The following CTNND2 variants were observed in gnomAD, a reference collection of about 807,000 sequenced individuals.
The protein encoded by CTNND2 is catenin delta 2.
CTNND2 carries 22 observed loss-of-function variants against 144.4 expected under a neutral mutation model. The observed-to-expected ratio is 0.15, with a 90% CI of 0.11 to 0.22. The LOEUF (loss-of-function observed/expected upper bound fraction) is 0.22. Ranked by LOEUF, CTNND2 falls within the 10% of genes least tolerant of loss-of-function variation. The pLI is 1.00. For synonymous variants in CTNND2, 751 were observed against 695.6 expected (o/e 1.08, Z -1.25); for missense variants, 1,353 against 1,618.8 (o/e 0.84, Z 2.82).
chr5:11,589,000 T>C, intron 2 of CTNND2: 1 of 985,434 alleles, frequency 1.0e-6, no homozygotes, highest in Non-Finnish European at 1.2e-6. Flanking sequence ...TGGTAATTTC[T>C]GCTTTCACTC....
chr5:11,575,843 T>C lies in CTNND2; in HGVS notation c.175-10787A>G, dbSNP rs144843266. Among the ~76,000 whole-genome samples the C allele has an allele frequency of 9.2e-5, 14 of 152,236 alleles. No homozygotes were observed. In the East Asian group the frequency reaches 2.7e-3, roughly 30 times the overall value. On this transcript the variant is annotated intron_variant, in intron 2 of 21. Transcript: ENST00000304623. Reference sequence around the variant, plus strand: ...TGTCTCTTCCTCTCTTAAGCCACCATTCTCCTTGTGATTCTTATACTTTCT... The same window carrying C: ...TGTCTCTTCCTCTCTTAAGCCACCACTCTCCTTGTGATTCTTATACTTTCT...
chr5:11,016,307 A>G (rs968225820), intron 18 of CTNND2, among the ~76,000 whole-genome samples: 16 of 152,208 alleles, frequency 1.1e-4, no homozygotes, highest in South Asian at 4.1e-4. Context: ...GAAAATTTTG[A>G]AAGAGAAATA....
intron 12 of CTNND2, among the ~76,000 whole-genome samples, chr5:11,154,373 G>T (rs933222341): frequency 6.6e-6 from 1 of 152,182 alleles, no homozygotes; most frequent in South Asian, 2.1e-4. Context: ...TTCTTTGGCC[G>T]AGACAGCCAC....
intron 11 of CTNND2, among the ~76,000 whole-genome samples, chr5:11,171,234 T>C (rs1016603829): frequency 1.3e-5 from 2 of 152,176 alleles, no homozygotes; most frequent in Non-Finnish European, 2.9e-5. Context: ...GGTACTGATC[T>C]GTGAAGGAAA....
In CTNND2 at chr5:11,143,935, G is replaced by A. The variant is rs1476684269; in HGVS notation, c.2159+15641C>T. Among the ~76,000 whole-genome samples, 7 of 151,880 alleles carry A rather than the reference G, an allele frequency of 4.6e-5. No homozygotes were observed. In the East Asian group the frequency reaches 1.4e-3, roughly 30 times the overall value. On this transcript the variant is annotated intron_variant, in intron 12 of 21. Transcript: ENST00000304623. ...CACCAGCTAGGGGTTTCTACCATAG[G>A]GGCTTGTCCCCAGGTCTGCACCAGC...
intron 9 of CTNND2, among the ~76,000 whole-genome samples, chr5:11,315,226 TA>T (rs1430815189): frequency 1.3e-5 from 2 of 152,160 alleles, no homozygotes; most frequent in African/African-American, 2.4e-5. Flanking sequence ...GTGGAGCAGT[TA>T]AAGGGGTAAT....
chr5:11,882,920 A>T (rs947397857), intron 1 of CTNND2, among the ~76,000 whole-genome samples: 1 of 152,148 alleles, frequency 6.6e-6, no homozygotes, highest in Non-Finnish European at 1.5e-5. Context: ...TAATTTTAAC[A>T]TATTAATTAT....
intron 7 of CTNND2, among the ~76,000 whole-genome samples, chr5:11,369,103 T>C (rs992253932): frequency 6.6e-6 from 1 of 152,244 alleles, no homozygotes; most frequent in African/African-American, 2.4e-5. Flanking sequence ...ATTTTTCTGA[T>C]AATTCTGTGA....
intron 1 of CTNND2, among the ~76,000 whole-genome samples, chr5:11,900,799 A>G (rs528595644): frequency 6.6e-6 from 1 of 152,332 alleles, no homozygotes; most frequent in South Asian, 2.1e-4. Flanking sequence ...CAGCTGAAGT[A>G]CTGGACTTGA....
chr5:11,903,570 G>A lies in CTNND2; in HGVS notation c.37+247C>T, dbSNP rs1357233143. Among the ~76,000 whole-genome samples, 1 of 152,122 alleles carries A rather than the reference G, an allele frequency of 6.6e-6. No homozygotes were observed. Among genetic ancestry groups the A allele is most frequent in the African/African-American group, 2.4e-5 (1 of 41,452 alleles). On this transcript the variant is annotated intron_variant, in intron 1 of 21. Coordinates refer to ENST00000304623, the MANE Select transcript of CTNND2 (RefSeq NM_001332.4). The surrounding 1 kb of genome is among the most constrained non-coding windows in gnomAD (Gnocchi z 5.4). The stretch of plus-strand genomic sequence containing the variant: ...GATGGGTGGCAGGGAGGGGGAGCAC[G>A]CAGGGCAGCCACTTGGTAACCGCTC...
intron 9 of CTNND2, among the ~76,000 whole-genome samples, chr5:11,337,887 A>G (rs1392193138): frequency 6.6e-6 from 1 of 152,192 alleles, no homozygotes; most frequent in Non-Finnish European, 1.5e-5. Flanking sequence ...TGCTACTTTA[A>G]TTATTGCATG....
At chr5:11,174,639 G>A (rs754002415) in intron 11 of CTNND2, among the ~76,000 whole-genome samples, 1 of 152,146 alleles carries the variant, frequency 6.6e-6, no homozygotes, top group Non-Finnish European at 1.5e-5. Context: ...AGGGTTGATT[G>A]AGGACAAATA....
chr5:11,250,485 C>CTATATATATA (rs1447839836), intron 9 of CTNND2, among the ~76,000 whole-genome samples: 22 of 67,838 alleles, frequency 3.2e-4, no homozygotes, highest in Non-Finnish European at 5.1e-4. Context: ...CTCTCTCTCT[C>CTATATATATA]TCTCTCTATA....
intron 1 of CTNND2, among the ~76,000 whole-genome samples, chr5:11,876,556 C>T (rs949234721): frequency 6.6e-6 from 1 of 152,018 alleles, no homozygotes; most frequent in African/African-American, 2.4e-5. Context: ...TTAAAAAGCA[C>T]ATAAATATTT....
chr5:11,020,831 C>CCCTAACCCT (rs1561183161), intron 17 of CTNND2, among the ~76,000 whole-genome samples: 1 of 152,100 alleles, frequency 6.6e-6, no homozygotes, highest in African/African-American at 2.4e-5. Flanking sequence ...TCCAATTTAA[C>CCCTAACCCT]ACTTCTTATT....
intron 12 of CTNND2, among the ~76,000 whole-genome samples, chr5:11,136,205 G>C (rs1365730702): frequency 6.6e-6 from 1 of 152,178 alleles, no homozygotes; most frequent in African/African-American, 2.4e-5. Context: ...CATTTCTGTT[G>C]TTTGTGAATT....
chr5:11,089,346 C>T (rs898781567), intron 15 of CTNND2, among the ~76,000 whole-genome samples: 58 of 152,356 alleles, frequency 3.8e-4, no homozygotes, highest in African/African-American at 1.3e-3. Flanking sequence ...AAGTGTGCTT[C>T]CTCACCTCCT....
At chr5:11,415,817 T>C (rs944595588) in intron 3 of CTNND2, among the ~76,000 whole-genome samples, 1 of 152,000 alleles carries the variant, frequency 6.6e-6, no homozygotes, top group Non-Finnish European at 1.5e-5. Context: ...CAAAAGCGTA[T>C]GAGAGGAAGT....
At chr5:11,648,474 C>G (rs957213475) in intron 2 of CTNND2, among the ~76,000 whole-genome samples, 9 of 152,078 alleles carry the variant, frequency 5.9e-5, no homozygotes, top group African/African-American at 1.9e-4. Context: ...ATCTACAGAC[C>G]CACTTGGGTT....
Sources: allele counts gnomAD v4.1 joint callset (sites outside exome capture counted in the v4.1 genomes callset), GRCh38; gene constraint gnomAD v4.1.1; non-coding constraint Gnocchi (gnomAD v3.1); transcripts MANE v1.5; gene names NCBI Gene and HGNC (gene_info 2026-07-23, HGNC 2026-07-21).